RYR2: variants seen among roughly 807,000 people sequenced by gnomAD.
The protein encoded by RYR2 is cardiac muscle ryanodine receptor-calcium release channel.
RYR2 carries 227 observed loss-of-function variants against 601.1 expected under a neutral mutation model. The ratio of observed to expected loss-of-function variants is 0.38; its 90% confidence interval spans 0.34 to 0.42. The LOEUF (loss-of-function observed/expected upper bound fraction) is 0.42, where lower values mean the gene tolerates loss of function less well. Ranked by LOEUF, RYR2 falls within the 10% of genes least tolerant of loss-of-function variation. The pLI, the probability that RYR2 is intolerant of heterozygous loss-of-function variation, is 1.00. For missense variants in RYR2, 4,646 were observed against 6,156.5 expected, an observed-to-expected ratio of 0.75 and a Z score of 8.21; for synonymous variants, 2,223 against 2,175.1, an observed-to-expected ratio of 1.02 and a Z score of -0.61.
At position 237,660,088 on chromosome 1, in the gene RYR2, GT is replaced by G. The variant is rs1465483980; in HGVS notation, c.8298+17del. Reference sequence around the variant, plus strand: ...TTGTCTGAAAAGGTAAGGATTTTTTGTTTGTTTTAGTTTGTAAAGTTTTTAT... The same window carrying G: ...TTGTCTGAAAAGGTAAGGATTTTTTGTTGTTTTAGTTTGTAAAGTTTTTAT... On this transcript the variant is annotated intron_variant, in intron 55 of 104. Transcript: ENST00000366574. 1.4e-6 allele frequency: 2 copies of G among 1,391,104 alleles called. No homozygotes were observed. The highest frequency in any genetic ancestry group is 1.9e-6 in the Non-Finnish European group (2 of 1,045,780). The allele number at this position is 1,391,104 out of a possible 1,614,324, so 86.2% of individuals were successfully genotyped here.
At chr1:237,094,832 C>A (rs1667352355) in intron 1 of RYR2, among the ~76,000 whole-genome samples, 1 of 152,206 alleles carries the variant, frequency 6.6e-6, no homozygotes, top group Admixed American at 6.5e-5. Context: ...ACCTCGTGAT[C>A]CTCCTGCCTT....
chr1:237,234,492 G>A (rs878981573), intron 1 of RYR2, among the ~76,000 whole-genome samples: 5 of 152,066 alleles, frequency 3.3e-5, no homozygotes, highest in Admixed American at 6.5e-5. Flanking sequence ...GTATCTGTTC[G>A]GTGGGAGTTG....
Position 237,798,163 on chromosome 1 carries a change from TCAGCTGTGTAAGTGTTAC to T in RYR2, c.14084_14090+11del, listed in dbSNP as rs1219293085. 1 of 1,612,544 alleles carries T rather than the reference TCAGCTGTGTAAGTGTTAC, an allele frequency of 6.2e-7. No individual in the cohort carries two copies. The highest frequency in any genetic ancestry group is 8.5e-7 in the Non-Finnish European group (1 of 1,179,308). On this transcript the variant is annotated splice_donor_variant and splice_donor_5th_base_variant and coding_sequence_variant and intron_variant, in exon 97 of 105. Coordinates refer to ENST00000366574, the MANE Select transcript of RYR2 (RefSeq NM_001035.3). LOFTEE classifies it high-confidence loss of function. ...GAAGCCAAAGAAAGACAGCTCCTTA[TCAGCTGTGTAAGTGTTAC>T]TTCGGCTCTATCCTACAGACTTAGA...
chr1:237,384,674 A>C (rs956810555), intron 8 of RYR2, among the ~76,000 whole-genome samples: 7 of 152,208 alleles, frequency 4.6e-5, no homozygotes, highest in Admixed American at 4.6e-4. Context: ...AATCCAATGT[A>C]TGTAGACACT....
chr1:237,426,815 T>G (rs1031716940), intron 12 of RYR2, among the ~76,000 whole-genome samples: 3 of 152,114 alleles, frequency 2.0e-5, no homozygotes, highest in Non-Finnish European at 4.4e-5. Flanking sequence ...AATTTGTGGC[T>G]GCAATGAGCT....
chr1:237,325,999 G>T (rs1365935453), intron 2 of RYR2, among the ~76,000 whole-genome samples: 1 of 152,086 alleles, frequency 6.6e-6, no homozygotes, highest in Non-Finnish European at 1.5e-5. Context: ...GAAGGATGGT[G>T]GCTTAATGTG....
intron 56 of RYR2, among the ~76,000 whole-genome samples, chr1:237,663,374 G>T (rs1200632319): frequency 6.6e-6 from 1 of 152,124 alleles, no homozygotes; most frequent in Non-Finnish European, 1.5e-5. Context: ...TTTATAAAAG[G>T]AATACAAATG....
At chr1:237,532,388 A>G (rs1201696645) in intron 25 of RYR2, among the ~76,000 whole-genome samples, 1 of 152,150 alleles carries the variant, frequency 6.6e-6, no homozygotes, top group African/African-American at 2.4e-5. Context: ...ATAATTGTTT[A>G]TTATGAAAAA....
At chr1:237,547,009 T>G (rs796873249) in intron 25 of RYR2, among the ~76,000 whole-genome samples, 1 of 90,214 alleles carries the variant, frequency 1.1e-5, no homozygotes, top group Non-Finnish European at 2.7e-5. Context: ...ATTTATTTAT[T>G]TATTTATTTA....
At chr1:237,709,326 T>A (rs1242233576) in intron 69 of RYR2, among the ~76,000 whole-genome samples, 154 bp from the exon 70 acceptor site, 1 of 152,214 alleles carries the variant, frequency 6.6e-6, no homozygotes, top group Non-Finnish European at 1.5e-5. Context: ...TTGACAGTTA[T>A]GATGTTTAAA....
chr1:237,566,582 T>C lies in RYR2; in HGVS notation c.3230T>C (p.Val1077Ala), dbSNP rs202176504. Reference sequence around the variant, plus strand: ...CATTTCCCAGCAGCCAGAGCCGAAGTGTGCAGCGGCACCGGGGAAAGGTTC... The same window carrying C: ...CATTTCCCAGCAGCCAGAGCCGAAGCGTGCAGCGGCACCGGGGAAAGGTTC... Reference protein sequence around the residue: ...PDQDHAARAEVCSGTGERFRI... With the variant: ...PDQDHAARAEACSGTGERFRI... Residue 1077 changes from valine (V) to alanine (A), a missense_variant, in exon 28 of 105, where the codon GTG becomes GCG. This residue lies in a region of RYR2 where 1,807 missense variants were observed against 2,088.1 expected (regional missense o/e 0.87). Coordinates refer to ENST00000366574, the MANE Select transcript of RYR2 (RefSeq NM_001035.3). 187 of 1,613,814 alleles carry C rather than the reference T, an allele frequency of 1.2e-4. No homozygotes were observed. The African/African-American group carries it at 1.7e-3, about 15-fold the overall frequency.
At chr1:237,268,950 A>AAAAACAC (rs1403298807) in intron 1 of RYR2, among the ~76,000 whole-genome samples, 1 of 107,150 alleles carries the variant, frequency 9.3e-6, no homozygotes, top group Non-Finnish European at 2.1e-5. Flanking sequence ...AAAAAAAAAA[A>AAAAACAC]AAAAAAAAAA....
chr1:237,074,928 A>G lies in RYR2; in HGVS notation c.48+32359A>G, dbSNP rs567399809. Among the ~76,000 whole-genome samples the G allele has an allele frequency of 2.4e-4, 36 of 152,246 alleles. No homozygotes were observed. The Middle Eastern group carries it at 0.02, about 86-fold the overall frequency. On this transcript the variant is annotated intron_variant, in intron 1 of 104. Coordinates refer to ENST00000366574, the MANE Select transcript of RYR2 (RefSeq NM_001035.3). ...GTGTATGTCTAGGTAGAAATACTGA[A>G]CATGCAGCTGGATTGTGCAGCCAGG...
chr1:237,644,512 A>T (rs576432328), intron 48 of RYR2, among the ~76,000 whole-genome samples: 1 of 152,142 alleles, frequency 6.6e-6, no homozygotes, highest in East Asian at 1.9e-4. Flanking sequence ...GTTTACAGGC[A>T]TGAGGCACTG....
chr1:237,441,508 T>G, intron 13 of RYR2, 25 bp downstream of exon 13: 1 of 1,437,270 alleles, frequency 7.0e-7, no homozygotes, highest in Non-Finnish European at 9.2e-7. Flanking sequence ...AAAAACATAA[T>G]TTATAGAAGT....
At chr1:237,327,303 G>A (rs74337622) in intron 2 of RYR2, among the ~76,000 whole-genome samples, 2,909 of 152,174 alleles carry the variant, frequency 0.019, 54 homozygotes, top group South Asian at 0.064. Context: ...TTGTTGGCGT[G>A]TTTATTTATG....
chr1:237,175,193 T>C (rs1454341354), intron 1 of RYR2, among the ~76,000 whole-genome samples: 2 of 152,234 alleles, frequency 1.3e-5, no homozygotes, highest in Non-Finnish European at 2.9e-5. Context: ...TTATGTACCA[T>C]ATAACCTCTA....
intron 24 of RYR2, among the ~76,000 whole-genome samples, chr1:237,520,580 G>A (rs1320915122): frequency 1.3e-5 from 2 of 152,060 alleles, no homozygotes; most frequent in Non-Finnish European, 2.9e-5. Context: ...ATTTGTTGTT[G>A]GTTCAGTTTT....
chr1:237,609,212 C>T (rs116775956), intron 35 of RYR2, among the ~76,000 whole-genome samples: 1,686 of 112,910 alleles, frequency 0.015, 57 homozygotes, highest in African/African-American at 0.045. Context: ...TCCTTGTCCC[C>T]ATCCCTTTTC....
Sources: gnomAD v4.1 joint callset for allele counts (sites outside exome capture counted in the v4.1 genomes callset) on GRCh38, gnomAD v4.1.1 for gene constraint, gnomAD v4.1.1 regional missense constraint, MANE v1.5 for transcripts, NCBI Gene and HGNC (gene_info 2026-07-23, HGNC 2026-07-21) for gene names.